Variants in MGAT4C observed in about 807,000 individuals in gnomAD.
The protein encoded by MGAT4C is alpha-1,3-mannosyl-glycoprotein 4-beta-N-acetylglucosaminyltransferase C.
MGAT4C carries 19 observed loss-of-function variants against 40.1 expected under a neutral mutation model. The observed-to-expected ratio is 0.47, with a 90% confidence interval of 0.33 to 0.70. The LOEUF (loss-of-function observed/expected upper bound fraction) is 0.70. MGAT4C is among the 30% of genes least tolerant of loss of function. The pLI, the probability that MGAT4C is intolerant of heterozygous loss-of-function variation, is 0.02. For missense variants in MGAT4C, 491 were observed against 563.2 expected (o/e 0.87, Z 1.30); for synonymous variants, 181 against 187.1 (o/e 0.97, Z 0.27).
At position 86,774,323 on chromosome 12, in the gene MGAT4C, C is replaced by CTTTCTTTCTTTCTTTCTTTCTTTCT. The variant is rs1192479432; in HGVS notation, c.-261-47083_-261-47082insAGAAAGAAAGAAAGAAAGAAAGAAA. On this transcript the variant is annotated intron_variant, in intron 1 of 7. Coordinates refer to the MGAT4C transcript ENST00000548651. ...TCTTTCTTTCTTTCTTTCTTTCTTT[C>CTTTCTTTCTTTCTTTCTTTCTTTCT]TTTCTTTCTTTCTTTCTGTCTCTCT... Among the ~76,000 whole-genome samples, 29 of 97,130 alleles carry CTTTCTTTCTTTCTTTCTTTCTTTCT rather than the reference C, an allele frequency of 3.0e-4. 3 individuals are homozygous for CTTTCTTTCTTTCTTTCTTTCTTTCT. Among genetic ancestry groups the CTTTCTTTCTTTCTTTCTTTCTTTCT allele is most frequent in the South Asian group, 2.3e-3 (5 of 2,216 alleles). 63.7% of individuals were successfully genotyped at this position (97,130 alleles called of 152,430 possible). A position where few individuals can be genotyped will look rare whatever the true frequency, so the allele number is the denominator to read the frequency against.
intron 1 of MGAT4C, among the ~76,000 whole-genome samples, chr12:86,806,311 C>T (rs956308226): frequency 6.6e-6 from 1 of 151,852 alleles, no homozygotes; most frequent in African/African-American, 2.4e-5. Context: ...GACCTGTGTA[C>T]ACTTTATCCA....
At chr12:85,983,936 T>C (rs940908953) in intron 3 of MGAT4C, among the ~76,000 whole-genome samples, 2 of 152,206 alleles carry the variant, frequency 1.3e-5, no homozygotes, top group Non-Finnish European at 2.9e-5. Context: ...TTAATAATGA[T>C]AATCTCTTAA....
intron 1 of MGAT4C, among the ~76,000 whole-genome samples, chr12:86,064,172 C>T (rs1894276504): frequency 6.6e-6 from 1 of 152,074 alleles, no homozygotes; most frequent in African/African-American, 2.4e-5. Flanking sequence ...TCAGCAAATG[C>T]AAAAGAATGG....
intron 2 of MGAT4C, among the ~76,000 whole-genome samples, chr12:86,022,194 A>C (rs1468922433): frequency 6.6e-6 from 1 of 152,246 alleles, no homozygotes. Context: ...ACTAGAACAG[A>C]AAAATACTAC....
rs185212632 is a variant in MGAT4C, at chr12:86,773,928, T to C, written c.-261-46687A>G. 3.0e-3 allele frequency among the ~76,000 whole-genome samples: 453 copies of C among 149,390 alleles called. 3 individuals carry two copies. Among genetic ancestry groups the C allele is most frequent in the Middle Eastern group, 0.014 (4 of 288 alleles). On this transcript the variant is annotated intron_variant, in intron 1 of 7. Coordinates refer to the MGAT4C transcript ENST00000548651. ...AACATGTCAGTTTAACAGGTTCACATTTTTTTAAAGTAACTTCTTTTTTTT... is the reference window on the plus strand; with the variant it reads ...AACATGTCAGTTTAACAGGTTCACACTTTTTTAAAGTAACTTCTTTTTTTT...
chr12:86,366,453 A>C (rs1955598330), intron 3 of MGAT4C, among the ~76,000 whole-genome samples: 1 of 152,178 alleles, frequency 6.6e-6, no homozygotes, highest in Non-Finnish European at 1.5e-5. Context: ...CACTATCCTA[A>C]GCAAATAAAT....
At chr12:86,782,417 G>C (rs1434612189) in intron 1 of MGAT4C, among the ~76,000 whole-genome samples, 1 of 151,834 alleles carries the variant, frequency 6.6e-6, no homozygotes, top group Non-Finnish European at 1.5e-5. Context: ...TCCTGACCTC[G>C]TGATCCTCCC....
At chr12:86,325,297 A>G (rs1171964849) in intron 4 of MGAT4C, among the ~76,000 whole-genome samples, 1 of 152,156 alleles carries the variant, frequency 6.6e-6, no homozygotes, top group African/African-American at 2.4e-5. Flanking sequence ...TTTCCACATT[A>G]AGTTCTCATT....
chr12:86,163,519 A>G (rs763660184), intron 1 of MGAT4C, among the ~76,000 whole-genome samples: 5 of 152,086 alleles, frequency 3.3e-5, no homozygotes, highest in African/African-American at 7.2e-5. Context: ...AGAAAACCAG[A>G]CCTTCTCCAT....
chr12:86,439,450 T>C (rs1232582674), intron 2 of MGAT4C, among the ~76,000 whole-genome samples: 3 of 151,910 alleles, frequency 2.0e-5, no homozygotes, highest in Non-Finnish European at 4.4e-5. Flanking sequence ...ACACAAGTTA[T>C]CAAAACCTCT....
intron 4 of MGAT4C, among the ~76,000 whole-genome samples, chr12:86,318,072 A>C (rs554292963): frequency 1.2e-4 from 19 of 152,212 alleles, no homozygotes; most frequent in African/African-American, 4.3e-4. Context: ...ATTTTGATGA[A>C]AACCTCTCAG....
Position 86,804,106 on chromosome 12 carries a change from G to A in MGAT4C, c.-262+34560C>T, listed in dbSNP as rs1315675002. 1.1e-4 allele frequency among the ~76,000 whole-genome samples: 16 copies of A among 151,080 alleles called. 1 individual carries two copies. Among genetic ancestry groups the A allele is most frequent in the East Asian group, 7.8e-4 (4 of 5,100 alleles). On this transcript the variant is annotated intron_variant, in intron 1 of 7. Coordinates refer to the MGAT4C transcript ENST00000548651. Reference sequence around the variant, plus strand: ...CAGCCATAAAAAATGATGAGTTCACGTCCTTTGTAGGGACATGGATGAAAT... The same window carrying A: ...CAGCCATAAAAAATGATGAGTTCACATCCTTTGTAGGGACATGGATGAAAT...
In MGAT4C at chr12:85,971,025, C is replaced by A. The variant is rs534270572; in HGVS notation, c.*8264G>T. The A allele has an allele frequency of 1.3e-5, 2 of 150,772 alleles. No homozygotes were observed. The highest frequency in any genetic ancestry group is 4.8e-5 in the African/African-American group (2 of 41,326). The allele number at this position is 150,772 out of a possible 1,614,324, so 9.3% of individuals were successfully genotyped here. On this transcript the variant is annotated 3_prime_UTR_variant, in exon 5 of 5. Coordinates refer to ENST00000611864, the MANE Select transcript of MGAT4C (RefSeq NM_001351288.2). The stretch of plus-strand genomic sequence containing the variant: ...CTTGTAAAATTTCATATTATGAGAG[C>A]AATATGTAAATTTCATTGCAACAAT...
chr12:86,017,643 AT>A (rs1316956144), intron 2 of MGAT4C, among the ~76,000 whole-genome samples: 1 of 152,190 alleles, frequency 6.6e-6, no homozygotes, highest in Non-Finnish European at 1.5e-5. Context: ...AACCTCAAAC[AT>A]GTAACCTAAT....
intron 4 of MGAT4C, among the ~76,000 whole-genome samples, chr12:86,311,675 T>C (rs1954078286): frequency 6.6e-6 from 1 of 152,180 alleles, no homozygotes; most frequent in African/African-American, 2.4e-5. Flanking sequence ...TCTGTGAATG[T>C]TGTCTTTAAA....
At chr12:86,794,705 G>A (rs1020899996) in intron 1 of MGAT4C, among the ~76,000 whole-genome samples, 16 of 151,742 alleles carry the variant, frequency 1.1e-4, no homozygotes, top group South Asian at 2.1e-4. Flanking sequence ...CTCTTCTTTC[G>A]CTTTCCTAGA....
chr12:86,166,741 AAAT>A (rs1020993696), intron 1 of MGAT4C, among the ~76,000 whole-genome samples: 2 of 152,206 alleles, frequency 1.3e-5, no homozygotes, highest in African/African-American at 4.8e-5. Flanking sequence ...GTGAAAATCT[AAAT>A]AATCCTTACC....
At position 86,586,188 on chromosome 12, in the gene MGAT4C, A is replaced by G. The variant is rs1259092865; in HGVS notation, c.-229+141021T>C. Among the ~76,000 whole-genome samples the G allele has an allele frequency of 5.0e-5, 7 of 139,572 alleles. No homozygotes were observed. The South Asian group carries it at 1.2e-3, about 24-fold the overall frequency. 91.6% of individuals were successfully genotyped at this position (139,572 alleles called of 152,430 possible). ...ATTGTTTAATTCCCACCTATGAGTG[A>G]GAATATGTGGTGTTTGGTTTTTTGT... On this transcript the variant is annotated intron_variant, in intron 2 of 7. Coordinates refer to the MGAT4C transcript ENST00000548651.
At chr12:86,194,158 T>G (rs1430093854) in intron 1 of MGAT4C, among the ~76,000 whole-genome samples, 1 of 152,190 alleles carries the variant, frequency 6.6e-6, no homozygotes, top group East Asian at 1.9e-4. Flanking sequence ...TTTCTAGAAT[T>G]ACCATGTGAT....
Sources: gnomAD v4.1 joint callset for allele counts (sites outside exome capture counted in the v4.1 genomes callset) on GRCh38, gnomAD v4.1.1 for gene constraint, MANE v1.5 for transcripts, NCBI Gene and HGNC (gene_info 2026-07-23, HGNC 2026-07-21) for gene names.